Variants in RAVER2 observed in about 807,000 individuals in gnomAD.
The protein encoded by RAVER2 is ribonucleoprotein PTB-binding 2.
Under a neutral mutation model 78.1 loss-of-function variants are expected in RAVER2, and 46 were observed. The ratio of observed to expected loss-of-function variants is 0.59; its 90% CI spans 0.46 to 0.75. RAVER2 has a LOEUF of 0.75. Among genes scored for constraint, RAVER2 ranks in the 30% least tolerant of loss-of-function variants. The pLI is 0.00. For synonymous variants in RAVER2, 311 were observed against 313.3 expected, an observed-to-expected ratio of 0.99 and a Z score of 0.08; for missense variants, 793 against 837.5, an observed-to-expected ratio of 0.95 and a Z score of 0.66.
chr1:64,791,580 C>A (rs192479906), intron 5 of RAVER2, among the ~76,000 whole-genome samples: 4 of 152,214 alleles, frequency 2.6e-5, no homozygotes, highest in African/African-American at 9.6e-5. Flanking sequence ...ATATTCAGTA[C>A]TTCATATAAT....
intron 11 of RAVER2, among the ~76,000 whole-genome samples, chr1:64,820,057 T>C (rs1653848174): frequency 6.6e-6 from 1 of 152,172 alleles, no homozygotes. Context: ...AGCAATAGTG[T>C]AAAGGACAAT....
exon 8 of RAVER2, chr1:64,805,057 C>G: frequency 6.2e-7 from 1 of 1,613,938 alleles, no homozygotes; most frequent in Non-Finnish European, 8.5e-7. Context: ...AGGGTCAGTG[C>G]TTCCATTGAA....
chr1:64,820,793 A>T (rs1653869802), intron 11 of RAVER2, among the ~76,000 whole-genome samples: 1 of 152,150 alleles, frequency 6.6e-6, no homozygotes, highest in African/African-American at 2.4e-5. Context: ...TGTACCACAT[A>T]TCCAGTCTGT....
intron 11 of RAVER2, among the ~76,000 whole-genome samples, chr1:64,825,427 A>G (rs1653985396): frequency 6.6e-6 from 1 of 152,202 alleles, no homozygotes; most frequent in Non-Finnish European, 1.5e-5. Flanking sequence ...GAGACTGAGG[A>G]GTCCTTGAGG....
chr1:64,768,758 G>T, intron 2 of RAVER2, 36 bp downstream of exon 2: 1 of 1,286,624 alleles, frequency 7.8e-7, no homozygotes, highest in South Asian at 1.2e-5. Flanking sequence ...ATTTCATTTT[G>T]ATTCTCCCTG....
In RAVER2 at chr1:64,808,456, C is replaced by CTTTTTTT. The variant is rs71584460; in HGVS notation, c.1680+999_1680+1005dup. ...GTATATTGAGAAAGCTAATGCAGTC[C>CTTTTTTT]TTTTTTTTTTTTTTTTTTTTTTTGA... On this transcript the variant is annotated intron_variant, in intron 9 of 11. Transcript: ENST00000294428. Among the ~76,000 whole-genome samples, 710 of 103,126 alleles carry CTTTTTTT rather than the reference C, an allele frequency of 6.9e-3. 22 individuals carry two copies. Among genetic ancestry groups the CTTTTTTT allele is most frequent in the Non-Finnish European group, 9.8e-3 (530 of 53,888 alleles). The allele number at this position is 103,126 out of a possible 152,430, so 67.7% of individuals were successfully genotyped here.
chr1:64,768,795 G>T, intron 2 of RAVER2, 73 bp downstream of exon 2: 2 of 962,232 alleles, frequency 2.1e-6, no homozygotes. Context: ...AAAAAGCTCA[G>T]TGTCTTTTCA....
At chr1:64,756,391 A>G (rs537283404) in intron 1 of RAVER2, among the ~76,000 whole-genome samples, 2 of 152,298 alleles carry the variant, frequency 1.3e-5, no homozygotes, top group African/African-American at 4.8e-5. Context: ...ATGGCAATAT[A>G]GGCTCATGGT....
exon 5 of RAVER2, chr1:64,789,472 GTTC>G: frequency 6.2e-7 from 1 of 1,609,524 alleles, no homozygotes; most frequent in Non-Finnish European, 8.5e-7. Flanking sequence ...CATGTTGCAA[GTTC>G]TTCTACAGCC....
intron 1 of RAVER2, among the ~76,000 whole-genome samples, chr1:64,758,126 C>T (rs980585149): frequency 6.6e-6 from 1 of 152,158 alleles, no homozygotes; most frequent in Admixed American, 6.5e-5. Flanking sequence ...GTGCCCTCCT[C>T]ACCATGTTTG....
intron 6 of RAVER2, 43 bp downstream of exon 6, chr1:64,803,104 G>A: frequency 1.4e-6 from 2 of 1,394,852 alleles, no homozygotes; most frequent in Middle Eastern, 1.8e-4. Context: ...AATATTCGGA[G>A]TGAATATTTT....
At chr1:64,830,941 G>A in exon 12 of RAVER2, 1 of 1,613,762 alleles carries the variant, frequency 6.2e-7, no homozygotes, top group Non-Finnish European at 8.5e-7. Flanking sequence ...GGGCACAGGA[G>A]CATATTACAT....
chr1:64,792,337 C>T (rs1228125724), intron 5 of RAVER2, among the ~76,000 whole-genome samples: 1 of 152,164 alleles, frequency 6.6e-6, no homozygotes, highest in African/African-American at 2.4e-5. Flanking sequence ...TTGATTAACA[C>T]AGAATGCAGT....
At chr1:64,804,520 G>A (rs1005339683) in intron 6 of RAVER2, among the ~76,000 whole-genome samples, 5 of 152,142 alleles carry the variant, frequency 3.3e-5, no homozygotes, top group African/African-American at 1.2e-4. Context: ...AACGAAGGAT[G>A]AAATAATGTA....
At chr1:64,827,379 G>A (rs1474624205) in intron 11 of RAVER2, among the ~76,000 whole-genome samples, 2 of 152,124 alleles carry the variant, frequency 1.3e-5, no homozygotes, top group African/African-American at 2.4e-5. Flanking sequence ...GGGGCATGAG[G>A]GTGAGGGGCC....
rs553248168 is a variant in RAVER2 at position 64,808,534 on chromosome 1, T to A, written c.1680+1060T>A. On this transcript the variant is annotated intron_variant, in intron 9 of 11. Coordinates refer to ENST00000294428, the Ensembl canonical transcript of RAVER2. ...TGGAATGCAGCGACACAACCTCGGC[T>A]CACTGCAACCTCTGCCTCCTGGGTT... Among the ~76,000 whole-genome samples, 3 of 140,304 alleles carry A rather than the reference T, an allele frequency of 2.1e-5. No individual in the cohort carries two copies. The Admixed American group carries it at 2.4e-4, about 11-fold the overall frequency. The allele number at this position is 140,304 out of a possible 152,430, so 92.0% of individuals were successfully genotyped here.
In RAVER2 at chr1:64,830,821, AATTTT is replaced by A. The variant is rs1439361106; in HGVS notation, c.1930-12_1930-8del. ...AACTTTAGATTTTAAAACTAGCTGC[AATTTT>A]ATTTTCTCATAGGTGTCATCTTTAA... On this transcript the variant is annotated splice_polypyrimidine_tract_variant and intron_variant, in intron 11 of 11. Coordinates refer to ENST00000294428, the Ensembl canonical transcript of RAVER2. 6.4e-7 allele frequency: 1 copy of A among 1,564,420 alleles called. No homozygotes were observed. Among genetic ancestry groups the A allele is most frequent in the South Asian group, 1.2e-5 (1 of 84,528 alleles).
At chr1:64,807,629 T>TA (rs1473091716) in intron 9 of RAVER2, among the ~76,000 whole-genome samples, 155 bp downstream of exon 9, 2 of 140,408 alleles carry the variant, frequency 1.4e-5, no homozygotes, top group Non-Finnish European at 3.0e-5. Context: ...TGCATTCTTT[T>TA]AAAAAATCTG....
chr1:64,794,182 G>T (rs756347884), intron 5 of RAVER2, among the ~76,000 whole-genome samples: 1 of 151,954 alleles, frequency 6.6e-6, no homozygotes, highest in South Asian at 2.1e-4. Context: ...AGGTCGAGGC[G>T]AGCGGATCAC....
Sources: gnomAD v4.1 joint callset for allele counts (sites outside exome capture counted in the v4.1 genomes callset) on GRCh38, gnomAD v4.1.1 for gene constraint, MANE v1.5 for transcripts, NCBI Gene and HGNC (gene_info 2026-07-23, HGNC 2026-07-21) for gene names.